VKORC1: variants seen among roughly 807,000 people sequenced by gnomAD.
VKORC1 encodes the protein phylloquinone epoxide reductase.
VKORC1 carries 12 observed loss-of-function variants against 14.8 expected under a neutral mutation model. That is an observed-to-expected ratio of 0.81 (90% CI 0.52 to 1.31). VKORC1 has a LOEUF of 1.31. Among genes scored for constraint, VKORC1 ranks in the 50% most tolerant of loss-of-function variants. VKORC1 has a pLI of 0.00. For missense variants in VKORC1, 223 were observed against 215.3 expected (o/e 1.04, Z -0.22); for synonymous variants, 94 against 92.5 (o/e 1.02, Z -0.09).
chr16:31,093,697 C>CCCT (rs2057305801), intron 1 of VKORC1: 2 of 38,852 alleles, frequency 5.1e-5, no homozygotes, highest in Non-Finnish European at 1.1e-4. Context: ...TTAAGTAAGT[C>CCCT]TCTTTTTTTT....
At chr16:31,091,953 A>C (rs1299888627) in intron 2 of VKORC1, among the ~76,000 whole-genome samples, 2 of 152,020 alleles carry the variant, frequency 1.3e-5, no homozygotes, top group East Asian at 1.9e-4. Context: ...GCCAAGGCGG[A>C]TGGATCACCA....
At position 31,094,625 on chromosome 16, in the gene VKORC1, C is replaced by G. The variant is rs2057315424; in HGVS notation, c.105G>C (p.Arg35=). The part of the protein sequence containing the change: ...YALHVKAARA[R]DRDYRALCDV... ...CGCAGAGCGCGCGGTAATCCCGGTC[C>G]CGGGCGCGCGCCGCCTTCACGTGCA... is the stretch of plus-strand genomic sequence containing the variant. Residue 35 remains arginine, a synonymous_variant, in exon 1 of 3, where the codon CGG becomes CGC. Coordinates refer to ENST00000394975, the MANE Select transcript of VKORC1 (RefSeq NM_024006.6). 2 of 1,606,534 alleles carry G rather than the reference C, an allele frequency of 1.2e-6. No homozygotes were observed. The highest frequency in any genetic ancestry group is 2.2e-5 in the South Asian group (2 of 90,478).
At chr16:31,093,524 CCT>C in intron 1 of VKORC1, 103 bp from the exon 2 acceptor site, 3 of 1,573,268 alleles carry the variant, frequency 1.9e-6, no homozygotes, top group South Asian at 1.2e-5. Flanking sequence ...CCTGGGCTAT[CCT>C]CTGTTCCCCG....
Position 31,093,369 on chromosome 16 carries a change from G to A in VKORC1, c.226C>T (p.Leu76Phe). The A allele has an allele frequency of 4.3e-6, 7 of 1,614,146 alleles. No homozygotes were observed. The highest frequency in any genetic ancestry group is 5.9e-6 in the Non-Finnish European group (7 of 1,180,018). The change falls in exon 2 of 3, where the codon CTC becomes TTC. Residue 76 changes from leucine to phenylalanine, a missense_variant. Coordinates refer to ENST00000394975, the MANE Select transcript of VKORC1 (RefSeq NM_024006.6). ...VEHVLGQDSILNQSNSIFGCI... is the reference protein window; with the variant it reads ...VEHVLGQDSIFNQSNSIFGCI... ...CCGAATATGCTGTTGGATTGATTGA[G>A]GATGCTGTCCTGTCCCAGCACATGC... is the stretch of plus-strand genomic sequence containing the variant.
Position 31,090,904 on chromosome 16 carries a change from G to A in VKORC1, c.*230C>T. 1.6e-6 allele frequency: 1 copy of A among 644,228 alleles called. No homozygotes were observed. The highest frequency in any genetic ancestry group is 2.6e-6 in the Non-Finnish European group (1 of 384,082). 39.9% of individuals were successfully genotyped at this position (644,228 alleles called of 1,614,324 possible). On this transcript the variant is annotated 3_prime_UTR_variant, in exon 3 of 3. Transcript: ENST00000394975. ...TCAGAACCTTCCCTCCCTGGGCAAT[G>A]GAAAGAGCTTTGGAGACCAGCCCAT...
At chr16:31,093,482 C>G (rs1250004939) in intron 1 of VKORC1, 61 bp from the exon 2 acceptor site, 1 of 1,612,268 alleles carries the variant, frequency 6.2e-7, no homozygotes, top group Non-Finnish European at 8.5e-7. Context: ...TGCCTTGGAC[C>G]CTGCCCGAGA....
intron 2 of VKORC1, among the ~76,000 whole-genome samples, chr16:31,092,328 TA>T (rs1163440956): frequency 0.014 from 1,868 of 136,408 alleles, 16 homozygotes; most frequent in African/African-American, 0.028. Flanking sequence ...GATTATTTCT[TA>T]AAAAAAAAAA....
intron 1 of VKORC1, chr16:31,094,292 T>C: frequency 6.2e-7 from 1 of 1,612,894 alleles, no homozygotes; most frequent in Non-Finnish European, 8.5e-7. Flanking sequence ...CTCCCCGCCT[T>C]TCCTGGTCAC....
intron 1 of VKORC1, chr16:31,093,733 G>C (rs2057306752): frequency 5.2e-6 from 1 of 190,604 alleles, no homozygotes; most frequent in Admixed American, 1.2e-4. Flanking sequence ...TTTTGAGACG[G>C]AGTCTCACTC....
chr16:31,093,268 G>A (rs1309773397), intron 2 of VKORC1, 44 bp downstream of exon 2: 2 of 1,570,988 alleles, frequency 1.3e-6, no homozygotes, highest in Middle Eastern at 2.3e-4. Context: ...CAAGGGGGAT[G>A]AGGGGCGGGG....
Position 31,091,018 on chromosome 16 carries a change from G to C in VKORC1, c.*116C>G. 6.6e-7 allele frequency: 1 copy of C among 1,508,344 alleles called. No homozygotes were observed. Among genetic ancestry groups the C allele is most frequent in the South Asian group, 1.2e-5 (1 of 82,352 alleles). The allele number at this position is 1,508,344 out of a possible 1,614,324, so 93.4% of individuals were successfully genotyped here. On this transcript the variant is annotated 3_prime_UTR_variant, in exon 3 of 3. Coordinates refer to ENST00000394975, the MANE Select transcript of VKORC1 (RefSeq NM_024006.6). ...TCATGTGCGGGTATGGCAGGAGGAG[G>C]GGGTAATCTAGAAGCCCCACATCTA...
intron 1 of VKORC1, chr16:31,094,232 C>A (rs1323937309): frequency 1.6e-5 from 26 of 1,606,930 alleles, no homozygotes; most frequent in South Asian, 6.6e-5. Flanking sequence ...CACCCCCCTT[C>A]ACCTGCGCGC....
At chr16:31,092,536 G>A (rs1225044823) in intron 2 of VKORC1, among the ~76,000 whole-genome samples, 1 of 152,142 alleles carries the variant, frequency 6.6e-6, no homozygotes, top group Non-Finnish European at 1.5e-5. Flanking sequence ...CTCAAAGGGA[G>A]CGTGGGAGCC....
At chr16:31,094,315 G>C in intron 1 of VKORC1, 1 of 1,612,860 alleles carries the variant, frequency 6.2e-7, no homozygotes, top group Non-Finnish European at 8.5e-7. Flanking sequence ...TTATTCCTTG[G>C]CATCCAATTC....
intron 2 of VKORC1, chr16:31,092,792 C>A: frequency 1.6e-6 from 2 of 1,269,744 alleles, no homozygotes; most frequent in South Asian, 2.5e-5. Context: ...CGCCTGTAAT[C>A]CCCCCAGCAC....
chr16:31,091,447 G>C, intron 2 of VKORC1, 105 bp from the exon 3 acceptor site: 2 of 1,538,164 alleles, frequency 1.3e-6, no homozygotes, highest in Non-Finnish European at 8.7e-7. Context: ...GCTGGGAAGG[G>C]TCTCTAAAAC....
Position 31,094,780 on chromosome 16 carries a change from AG to A in VKORC1, c.-52del. 1.3e-6 allele frequency: 2 copies of A among 1,553,674 alleles called. No homozygotes were observed. On this transcript the variant is annotated 5_prime_UTR_variant, in exon 1 of 3. Coordinates refer to ENST00000394975, the MANE Select transcript of VKORC1 (RefSeq NM_024006.6). ...CCGCGGAGAAAACCAGCCACGGAGCAGGGGCCGGGCGGCGAATGGCCGCGCC... is the reference window on the plus strand; with the variant it reads ...CCGCGGAGAAAACCAGCCACGGAGCAGGGCCGGGCGGCGAATGGCCGCGCC...
intron 1 of VKORC1, chr16:31,093,699 C>CT (rs71151446): frequency 0.01 from 693 of 67,756 alleles, 61 homozygotes; most frequent in South Asian, 0.046. Flanking sequence ...AAGTAAGTCT[C>CT]TTTTTTTTTT....
At chr16:31,092,126 C>A in intron 2 of VKORC1, among the ~76,000 whole-genome samples, 1 of 125,692 alleles carries the variant, frequency 8.0e-6, no homozygotes, top group East Asian at 2.3e-4. Context: ...TGCAGTGAGC[C>A]AAGATCGTGC....
Sources: gnomAD v4.1 joint callset for allele counts (sites outside exome capture counted in the v4.1 genomes callset) on GRCh38, gnomAD v4.1.1 for gene constraint, MANE v1.5 for transcripts, NCBI Gene and HGNC (gene_info 2026-07-23, HGNC 2026-07-21) for gene names.